The following ROBO1 variants were observed in gnomAD, a reference collection of about 807,000 sequenced individuals.
ROBO1 encodes roundabout homolog 1.
Under a neutral mutation model 195.9 loss-of-function variants are expected in ROBO1, and 149 were observed. That is an observed-to-expected ratio of 0.76 (90% CI 0.67 to 0.87). The LOEUF (loss-of-function observed/expected upper bound fraction) is 0.87. Among genes scored for constraint, ROBO1 ranks in the 40% least tolerant of loss-of-function variants. ROBO1 has a pLI of 0.00. For missense variants in ROBO1, 1,933 were observed against 2,068.3 expected (o/e 0.93, Z 1.27); for synonymous variants, 816 against 733.2 (o/e 1.11, Z -1.82).
intron 5 of ROBO1, among the ~76,000 whole-genome samples, chr3:78,745,013 G>T (rs532548942): frequency 1.3e-5 from 2 of 152,136 alleles, no homozygotes; most frequent in Admixed American, 6.5e-5. Flanking sequence ...CATCTCCAGG[G>T]CTAAGAATTT....
chr3:79,189,069 C>T (rs1397853601), intron 2 of ROBO1, among the ~76,000 whole-genome samples: 1 of 151,728 alleles, frequency 6.6e-6, no homozygotes, highest in African/African-American at 2.4e-5. Context: ...GAACTAAACA[C>T]ATACATTTCT....
rs5850439 is a variant in ROBO1 at position 79,560,558 on chromosome 3, T to TATACACAC, written c.88+29265_88+29266insGTGTGTAT. On this transcript the variant is annotated intron_variant, in intron 2 of 30. Coordinates refer to ENST00000464233, the MANE Select transcript of ROBO1 (RefSeq NM_002941.4). ...AATTATATATATATATATATATATA[T>TATACACAC]ACACATACACATACATAAAAAAAAA... Among the ~76,000 whole-genome samples, 28 of 129,702 alleles carry TATACACAC rather than the reference T, an allele frequency of 2.2e-4. No homozygotes were observed. In the East Asian group the frequency reaches 2.5e-3, roughly 12 times the overall value. The allele number at this position is 129,702 out of a possible 152,430, so 85.1% of individuals were successfully genotyped here.
intron 1 of ROBO1, among the ~76,000 whole-genome samples, chr3:79,727,230 A>G (rs1027795775): frequency 6.6e-5 from 10 of 152,206 alleles, no homozygotes; most frequent in South Asian, 2.1e-4. Flanking sequence ...AAACCAGGTG[A>G]AAAAGCTAGG....
intron 1 of ROBO1, among the ~76,000 whole-genome samples, chr3:79,620,604 G>C (rs760372712): frequency 1.3e-5 from 2 of 151,894 alleles, no homozygotes; most frequent in African/African-American, 2.4e-5. Context: ...CTGCTTCCCA[G>C]ACTATTCCTG....
chr3:79,294,992 T>C (rs1314947506), intron 2 of ROBO1, among the ~76,000 whole-genome samples: 1 of 152,200 alleles, frequency 6.6e-6, no homozygotes, highest in Non-Finnish European at 1.5e-5. Flanking sequence ...GTTTTTACAC[T>C]GTTGGTTGGA....
At chr3:79,503,610 G>A (rs1189459444) in intron 2 of ROBO1, among the ~76,000 whole-genome samples, 1 of 152,202 alleles carries the variant, frequency 6.6e-6, no homozygotes, top group African/African-American at 2.4e-5. Flanking sequence ...TGTGTTGGAG[G>A]ATAGGTCTGT....
chr3:79,636,483 T>C (rs1317749045), intron 1 of ROBO1, among the ~76,000 whole-genome samples: 1 of 152,160 alleles, frequency 6.6e-6, no homozygotes, highest in Non-Finnish European at 1.5e-5. Context: ...TATCCTTAGA[T>C]TGCAATCCCT....
chr3:79,454,436 C>T (rs919926154), intron 2 of ROBO1, among the ~76,000 whole-genome samples: 5 of 151,950 alleles, frequency 3.3e-5, no homozygotes, highest in Non-Finnish European at 5.9e-5. Context: ...GACTTACAGA[C>T]GTAAACTGAA....
chr3:78,699,295 T>C (rs1177756058), intron 8 of ROBO1, among the ~76,000 whole-genome samples: 1 of 149,384 alleles, frequency 6.7e-6, no homozygotes, highest in Non-Finnish European at 1.5e-5. Flanking sequence ...AACACTGTAA[T>C]CCTAACACTT....
At chr3:79,260,855 G>A (rs1303445620) in intron 2 of ROBO1, among the ~76,000 whole-genome samples, 1 of 152,016 alleles carries the variant, frequency 6.6e-6, no homozygotes, top group Non-Finnish European at 1.5e-5. Context: ...CATATAACAA[G>A]TTAATTTAAA....
At chr3:79,164,536 G>T (rs528089302) in intron 2 of ROBO1, among the ~76,000 whole-genome samples, 13 of 151,948 alleles carry the variant, frequency 8.6e-5, no homozygotes, top group Non-Finnish European at 1.9e-4. Flanking sequence ...ATCCTCATTT[G>T]CCTGCTTTAT....
chr3:79,364,236 G>GTATA (rs752125262), intron 2 of ROBO1, among the ~76,000 whole-genome samples: 86 of 146,842 alleles, frequency 5.9e-4, no homozygotes, highest in African/African-American at 1.5e-3. Context: ...ATGTGTGTGT[G>GTATA]TATATATATA....
At chr3:79,427,431 G>A (rs1163157522) in intron 2 of ROBO1, among the ~76,000 whole-genome samples, 6 of 152,162 alleles carry the variant, frequency 3.9e-5, no homozygotes, top group African/African-American at 7.2e-5. Flanking sequence ...GCAGGAGAAC[G>A]TTGTGTTTAG....
intron 4 of ROBO1, among the ~76,000 whole-genome samples, chr3:78,775,301 G>A (rs1428128589): frequency 6.6e-6 from 1 of 152,184 alleles, no homozygotes; most frequent in African/African-American, 2.4e-5. Flanking sequence ...ATTGCAGCAA[G>A]GCTGAAGGTA....
intron 2 of ROBO1, among the ~76,000 whole-genome samples, chr3:79,283,854 C>A (rs1301824963): frequency 6.6e-6 from 1 of 151,562 alleles, no homozygotes; most frequent in Non-Finnish European, 1.5e-5. Flanking sequence ...CCCGCTACCA[C>A]GCCCGGCTAA....
At chr3:78,833,823 A>G (rs1034074609) in intron 4 of ROBO1, among the ~76,000 whole-genome samples, 5 of 152,138 alleles carry the variant, frequency 3.3e-5, no homozygotes, top group African/African-American at 1.2e-4. Flanking sequence ...GAGGGAAGAG[A>G]ACTCAGCATG....
chr3:79,745,668 A>G (rs974916190), intron 1 of ROBO1, among the ~76,000 whole-genome samples: 2 of 152,166 alleles, frequency 1.3e-5, no homozygotes, highest in Non-Finnish European at 2.9e-5. Context: ...ATTATCATGT[A>G]AAAAGAGATA....
At chr3:79,648,986 CA>C (rs1257133469) in intron 1 of ROBO1, among the ~76,000 whole-genome samples, 1 of 152,032 alleles carries the variant, frequency 6.6e-6, no homozygotes, top group Non-Finnish European at 1.5e-5. Context: ...AAGATATTTT[CA>C]AACAACATTT....
intron 3 of ROBO1, among the ~76,000 whole-genome samples, chr3:78,976,611 C>A (rs1461230784): frequency 2.6e-5 from 4 of 152,206 alleles, no homozygotes; most frequent in African/African-American, 9.6e-5. Flanking sequence ...TTTTCTGTCT[C>A]TCTACAGCAG....
Sources: gnomAD v4.1 joint callset for allele counts (sites outside exome capture counted in the v4.1 genomes callset) on GRCh38, gnomAD v4.1.1 for gene constraint, MANE v1.5 for transcripts, NCBI Gene and HGNC (gene_info 2026-07-23, HGNC 2026-07-21) for gene names.